PCLO: variants seen among roughly 807,000 people sequenced by gnomAD.
PCLO encodes piccolo presynaptic cytomatrix protein.
PCLO carries 82 observed loss-of-function variants against 427.5 expected under a neutral mutation model. The ratio of observed to expected loss-of-function variants is 0.19; its 90% confidence interval spans 0.16 to 0.23. The LOEUF (loss-of-function observed/expected upper bound fraction) is 0.23. PCLO is among the 10% of genes least tolerant of loss of function. PCLO has a pLI of 1.00. For missense variants in PCLO, 6,239 were observed against 6,115.9 expected, an observed-to-expected ratio of 1.02 and a Z score of -0.67; for synonymous variants, 2,357 against 2,155.4, an observed-to-expected ratio of 1.09 and a Z score of -2.59.
intron 3 of PCLO, among the ~76,000 whole-genome samples, chr7:83,038,033 A>ATATATATT (rs1788857332): frequency 1.8e-5 from 1 of 54,356 alleles, no homozygotes. Flanking sequence ...ATATATATTT[A>ATATATATT]TATATTTATA....
chr7:82,916,129 G>T lies in PCLO; in HGVS notation c.11857C>A (p.Pro3953Thr), dbSNP rs1260065967. Residue 3953 changes from proline (P) to threonine (T), a missense_variant, in exon 7 of 25, where the codon CCT (proline) becomes ACT (threonine). Pro to Thr is a conservative substitution (Grantham distance 38). Around this residue, in one of 5 missense-constraint regions of PCLO, gnomAD observed 680 missense variants for 677.3 expected, o/e 1.00. Transcript: ENST00000333891. ...TGTTGTATCACCATCATCTGTGAAGGTAACTGATAAGAAGGCTGTGGGGTT... is the reference window on the plus strand; with the variant it reads ...TGTTGTATCACCATCATCTGTGAAGTTAACTGATAAGAAGGCTGTGGGGTT... Reference protein sequence around the residue: ...TPTPQPSYQLPSQMMVIQQKP... With the variant: ...TPTPQPSYQLTSQMMVIQQKP... 1.2e-6 allele frequency: 2 copies of T among 1,613,500 alleles called. No individual in the cohort carries two copies. The highest frequency in any genetic ancestry group is 8.5e-7 in the Non-Finnish European group (1 of 1,179,720).
At chr7:82,874,443 G>A (rs1310668872) in intron 10 of PCLO, among the ~76,000 whole-genome samples, 1 of 152,104 alleles carries the variant, frequency 6.6e-6, no homozygotes, top group African/African-American at 2.4e-5. Context: ...CTGTATCGGA[G>A]TCAAAAAGAA....
intron 13 of PCLO, among the ~76,000 whole-genome samples, chr7:82,843,655 C>T (rs1792424225): frequency 6.8e-6 from 1 of 147,928 alleles, no homozygotes; most frequent in Non-Finnish European, 1.5e-5. Flanking sequence ...AGCCATTCCA[C>T]AACGTATTCA....
chr7:82,967,498 C>T (rs987403392), intron 3 of PCLO, among the ~76,000 whole-genome samples: 1 of 151,986 alleles, frequency 6.6e-6, no homozygotes, highest in African/African-American at 2.4e-5. Context: ...TATTGCTGCT[C>T]TTCAGTGTCT....
intron 10 of PCLO, among the ~76,000 whole-genome samples, chr7:82,872,208 C>A (rs1034927196): frequency 2.0e-5 from 3 of 151,854 alleles, no homozygotes; most frequent in Non-Finnish European, 4.4e-5. Context: ...TTATATCCTA[C>A]ATATTTGACA....
In PCLO at chr7:82,915,696, G is replaced by C. The variant is rs1334223948; in HGVS notation, c.12290C>G (p.Pro4097Arg). ...RSQEVTDFLA[P>R]LQSSSRLHSY... ...ATGCAATCTAGAGGAAGACTGTAAAGGTGCTAGGAAATCTGTCACTTCTTG... is the reference window on the plus strand; with the variant it reads ...ATGCAATCTAGAGGAAGACTGTAAACGTGCTAGGAAATCTGTCACTTCTTG... Residue 4097 changes from proline to arginine, a missense_variant, in exon 7 of 25, where the codon CCT becomes CGT. By Grantham distance (103) the Pro-to-Arg change is moderately radical. Coordinates refer to ENST00000333891, the MANE Select transcript of PCLO (RefSeq NM_033026.6). 2 of 1,612,796 alleles carry C rather than the reference G, an allele frequency of 1.2e-6. No individual in the cohort carries two copies. Among genetic ancestry groups the C allele is most frequent in the Admixed American group, 1.7e-5 (1 of 59,792 alleles).
chr7:83,152,043 C>A (rs1035684248), intron 2 of PCLO, among the ~76,000 whole-genome samples: 7 of 151,878 alleles, frequency 4.6e-5, no homozygotes, highest in African/African-American at 1.7e-4. Context: ...TGGCTCACTG[C>A]AAGCTCCGCC....
At chr7:82,872,883 T>C (rs766358084) in intron 10 of PCLO, among the ~76,000 whole-genome samples, 16 of 152,116 alleles carry the variant, frequency 1.1e-4, no homozygotes, top group Non-Finnish European at 2.1e-4. Flanking sequence ...CACAAAGACA[T>C]GTGTGGCAAG....
At chr7:82,894,196 C>T (rs1168724079) in intron 9 of PCLO, among the ~76,000 whole-genome samples, 1 of 151,958 alleles carries the variant, frequency 6.6e-6, no homozygotes, top group East Asian at 1.9e-4. Flanking sequence ...AATTGTATAG[C>T]TGGATAAAAC....
intron 3 of PCLO, 30 bp from the exon 4 acceptor site, chr7:82,966,517 T>A (rs1795779139): frequency 7.4e-7 from 1 of 1,353,726 alleles, no homozygotes; most frequent in Non-Finnish European, 1.0e-6. Flanking sequence ...ATGAACAGAT[T>A]GAATGTATTA....
intron 3 of PCLO, among the ~76,000 whole-genome samples, chr7:83,082,784 C>T (rs897404058): frequency 2.0e-5 from 3 of 151,034 alleles, no homozygotes; most frequent in Non-Finnish European, 4.4e-5. Flanking sequence ...TTATTATGTA[C>T]TCATGATTAA....
intron 3 of PCLO, among the ~76,000 whole-genome samples, chr7:82,998,381 T>A (rs1328887104): frequency 6.7e-6 from 1 of 148,660 alleles, no homozygotes; most frequent in African/African-American, 2.4e-5. Context: ...CAACAAGGTC[T>A]GTCCTTTAAA....
intron 3 of PCLO, among the ~76,000 whole-genome samples, chr7:83,124,999 G>A (rs1252689770): frequency 1.3e-5 from 2 of 152,126 alleles, no homozygotes; most frequent in Non-Finnish European, 2.9e-5. Flanking sequence ...CGAGTGATCT[G>A]CCCGCCTTGG....
chr7:82,995,012 A>C (rs1277856425), intron 3 of PCLO, among the ~76,000 whole-genome samples: 2 of 152,032 alleles, frequency 1.3e-5, no homozygotes. Flanking sequence ...GACCTCCAAT[A>C]TTGTAAAGGC....
chr7:82,951,985 T>C lies in PCLO; in HGVS notation c.8968A>G (p.Met2990Val). Residue 2990 changes from methionine (M) to valine (V), a missense_variant, in exon 5 of 25, where the codon ATG (methionine) becomes GTG (valine). By Grantham distance (21) the Met-to-Val change is conservative. Around this residue, in one of 5 missense-constraint regions of PCLO, gnomAD observed 4,677 missense variants for 4,468.4 expected, o/e 1.05. Coordinates refer to ENST00000333891, the MANE Select transcript of PCLO (RefSeq NM_033026.6). ...GPYGYRGIGG[M>V]KPSMSDTNLA... is the part of the protein sequence containing the mutation. ...TTTGTGTCAGACATGGAAGGCTTCATTCCCCCAATCCCTCTATAACCATAT... is the reference window on the plus strand; with the variant it reads ...TTTGTGTCAGACATGGAAGGCTTCACTCCCCCAATCCCTCTATAACCATAT... The C allele has an allele frequency of 6.2e-7, 1 of 1,613,922 alleles. No individual in the cohort carries two copies. The highest frequency in any genetic ancestry group is 8.5e-7 in the Non-Finnish European group (1 of 1,179,834).
intron 10 of PCLO, among the ~76,000 whole-genome samples, chr7:82,874,417 C>T (rs1584084928): frequency 6.6e-6 from 1 of 152,034 alleles, no homozygotes; most frequent in African/African-American, 2.4e-5. Context: ...GCCACTGTGA[C>T]GGGCCTGAAT....
At chr7:82,932,958 T>C (rs572171610) in intron 6 of PCLO, among the ~76,000 whole-genome samples, 3 of 152,176 alleles carry the variant, frequency 2.0e-5, no homozygotes, top group African/African-American at 4.8e-5. Context: ...GTCTTGAATA[T>C]GATTTGGTTT....
chr7:83,022,939 T>C (rs1788381923), intron 3 of PCLO, among the ~76,000 whole-genome samples: 1 of 152,236 alleles, frequency 6.6e-6, no homozygotes. Flanking sequence ...AATTATCCTG[T>C]TTTTATTTGA....
chr7:82,877,541 C>T (rs942135841), intron 10 of PCLO, among the ~76,000 whole-genome samples: 12 of 152,110 alleles, frequency 7.9e-5, no homozygotes, highest in African/African-American at 2.2e-4. Context: ...AACGCATATA[C>T]GCCAAGTACT....
Sources: allele counts gnomAD v4.1 joint callset (sites outside exome capture counted in the v4.1 genomes callset), GRCh38; gene constraint gnomAD v4.1.1; regional missense constraint gnomAD v4.1.1; transcripts MANE v1.5; gene names NCBI Gene and HGNC (gene_info 2026-07-23, HGNC 2026-07-21).